The following FAM149B1 variants were observed in gnomAD, a reference collection of about 807,000 sequenced individuals.
The protein encoded by FAM149B1 is family with sequence similarity 149 member B1.
In FAM149B1, 56 loss-of-function variants were observed where a neutral mutation model predicts 75.3. The observed-to-expected ratio is 0.74, with a 90% CI of 0.60 to 0.93. The LOEUF (loss-of-function observed/expected upper bound fraction) is 0.93. FAM149B1 is among the 40% of genes least tolerant of loss of function. The probability of loss-of-function intolerance (pLI) is 0.00; values close to 1 mark genes in which losing one functional copy is unlikely to be tolerated. For synonymous variants in FAM149B1, 259 were observed against 256.1 expected (o/e 1.01, Z -0.11); for missense variants, 639 against 708.4 (o/e 0.90, Z 1.11).
chr10:73,212,307 T>G (rs1412595206), intron 7 of FAM149B1, among the ~76,000 whole-genome samples: 1 of 152,070 alleles, frequency 6.6e-6, no homozygotes, highest in East Asian at 1.9e-4. Flanking sequence ...TGAGACAGAG[T>G]TTCACTCTTG....
intron 3 of FAM149B1, 37 bp from the exon 4 acceptor site, chr10:73,192,519 G>C (rs1050216399): frequency 3.2e-5 from 50 of 1,539,824 alleles, no homozygotes; most frequent in Non-Finnish European, 3.9e-5. Flanking sequence ...GAGTGAATCA[G>C]CTCACCTAAA....
At chr10:73,199,939 T>C (rs1474443945) in intron 5 of FAM149B1, 1 of 175,976 alleles carries the variant, frequency 5.7e-6, no homozygotes, top group African/African-American at 2.4e-5. Flanking sequence ...ACTTTGATGA[T>C]ACAAACTTTA....
intron 10 of FAM149B1, 40 bp from the exon 11 acceptor site, chr10:73,234,777 C>G: frequency 6.5e-7 from 1 of 1,547,434 alleles, no homozygotes; most frequent in East Asian, 2.4e-5. Context: ...GTTATAACTT[C>G]ATGCTTTCAT....
At chr10:73,191,248 C>T (rs2042676315) in intron 3 of FAM149B1, among the ~76,000 whole-genome samples, 1 of 151,780 alleles carries the variant, frequency 6.6e-6, no homozygotes, top group Non-Finnish European at 1.5e-5. Flanking sequence ...CCATGTCGGT[C>T]AGGCTGGTCT....
At chr10:73,168,976 T>C (rs1398602211) in intron 1 of FAM149B1, 1 of 152,208 alleles carries the variant, frequency 6.6e-6, no homozygotes, top group East Asian at 1.9e-4. Flanking sequence ...AGATCAGTTT[T>C]GCTTTTGAGA....
intron 3 of FAM149B1, chr10:73,192,311 G>C (rs1198624488): frequency 5.4e-6 from 2 of 373,478 alleles, no homozygotes; most frequent in Admixed American, 5.0e-5. Context: ...AAACACCACT[G>C]TACTTGGACC....
At chr10:73,209,203 C>T (rs2043132740) in intron 6 of FAM149B1, among the ~76,000 whole-genome samples, 1 of 152,164 alleles carries the variant, frequency 6.6e-6, no homozygotes, top group Admixed American at 6.5e-5. Context: ...AATCCCAGCA[C>T]ATTGGGAGGC....
chr10:73,186,766 A>G (rs2042532378), intron 3 of FAM149B1, among the ~76,000 whole-genome samples: 1 of 152,346 alleles, frequency 6.6e-6, no homozygotes, highest in East Asian at 1.9e-4. Flanking sequence ...TGCTAAGTGA[A>G]AGAAGCCAGA....
intron 12 of FAM149B1, chr10:73,239,108 T>G (rs2043887813): frequency 3.9e-6 from 2 of 506,562 alleles, no homozygotes; most frequent in Non-Finnish European, 7.1e-6. Context: ...AATCTGCAAT[T>G]TTTACAATAA....
rs762661001 is a variant in FAM149B1 at position 73,230,417 on chromosome 10, C to T, written c.1024-5C>T. The T allele has an allele frequency of 5.3e-5, 79 of 1,497,014 alleles. No individual in the cohort carries two copies. Among genetic ancestry groups the T allele is most frequent in the African/African-American group, 7.0e-5 (5 of 71,820 alleles). 92.7% of individuals were successfully genotyped at this position (1,497,014 alleles called of 1,614,324 possible). On this transcript the variant is annotated splice_region_variant and splice_polypyrimidine_tract_variant and intron_variant, in intron 8 of 13. Coordinates refer to ENST00000242505, the MANE Select transcript of FAM149B1 (RefSeq NM_173348.2). Reference sequence around the variant, plus strand: ...TCAAGAGTACTGTCTTCTTTCAACACGTAGATGAGTCTCTGTCAAGCAAGC... The same window carrying T: ...TCAAGAGTACTGTCTTCTTTCAACATGTAGATGAGTCTCTGTCAAGCAAGC...
chr10:73,194,991 G>A (rs973531895), intron 5 of FAM149B1, among the ~76,000 whole-genome samples: 9 of 152,072 alleles, frequency 5.9e-5, no homozygotes, highest in African/African-American at 2.2e-4. Flanking sequence ...GCCCAAAGTA[G>A]TTTTTAAATG....
chr10:73,209,908 C>T (rs2043150737), intron 6 of FAM149B1, among the ~76,000 whole-genome samples: 1 of 151,768 alleles, frequency 6.6e-6, no homozygotes. Flanking sequence ...CATTTTTTTC[C>T]CATTGTATTT....
intron 5 of FAM149B1, among the ~76,000 whole-genome samples, chr10:73,195,927 TATG>T (rs2042794266): frequency 6.6e-6 from 1 of 152,186 alleles, no homozygotes; most frequent in Non-Finnish European, 1.5e-5. Context: ...AAACAAAATC[TATG>T]ATATTTACTT....
chr10:73,240,814 A>C, intron 13 of FAM149B1, 132 bp from the exon 14 acceptor site: 1 of 616,948 alleles, frequency 1.6e-6, no homozygotes, highest in South Asian at 1.9e-5. Context: ...CTCTTCTACA[A>C]AACTAGTTTA....
intron 5 of FAM149B1, among the ~76,000 whole-genome samples, chr10:73,197,257 C>A (rs2042826142): frequency 6.6e-6 from 1 of 152,208 alleles, no homozygotes; most frequent in African/African-American, 2.4e-5. Flanking sequence ...CCCACCTTGG[C>A]TTCCCAAAGT....
chr10:73,208,888 C>A, intron 6 of FAM149B1, 102 bp downstream of exon 6: 1 of 688,746 alleles, frequency 1.5e-6, no homozygotes, highest in Non-Finnish European at 2.1e-6. Context: ...TAAATATATG[C>A]CAGTTTCTGT....
chr10:73,216,882 A>G (rs1056237021), intron 7 of FAM149B1, among the ~76,000 whole-genome samples: 13 of 152,210 alleles, frequency 8.5e-5, no homozygotes, highest in Non-Finnish European at 1.6e-4. Context: ...CCATGAAACC[A>G]TCACCACAAT....
intron 7 of FAM149B1, among the ~76,000 whole-genome samples, chr10:73,211,875 G>A (rs1405163076): frequency 1.3e-5 from 2 of 151,982 alleles, no homozygotes; most frequent in Non-Finnish European, 2.9e-5. Context: ...GACCTCAGGT[G>A]GTACACTAAA....
At chr10:73,200,637 T>C (rs2042913212) in intron 5 of FAM149B1, 2 of 602,616 alleles carry the variant, frequency 3.3e-6, no homozygotes, top group African/African-American at 1.9e-5. Context: ...AGTATTTAGG[T>C]TGTGTTGCTT....
Sources: allele counts gnomAD v4.1 joint callset (sites outside exome capture counted in the v4.1 genomes callset), GRCh38; gene constraint gnomAD v4.1.1; transcripts MANE v1.5; gene names NCBI Gene and HGNC (gene_info 2026-07-23, HGNC 2026-07-21).